SORCS3: variants seen among roughly 807,000 people sequenced by gnomAD.
SORCS3 encodes sortilin related VPS10 domain containing receptor 3.
A neutral mutation model predicts 146.3 loss-of-function variants in SORCS3; 57 were observed. That is an observed-to-expected ratio of 0.39 (90% CI 0.31 to 0.49). The LOEUF is 0.49. SORCS3 is among the 20% of genes least tolerant of loss of function. SORCS3 has a pLI of 0.92. For missense variants in SORCS3, 1,341 were observed against 1,575.5 expected (o/e 0.85, Z 2.52); for synonymous variants, 653 against 618.5 (o/e 1.06, Z -0.83).
At chr10:104,852,393 G>A (rs541164097) in intron 2 of SORCS3, among the ~76,000 whole-genome samples, 29 of 152,272 alleles carry the variant, frequency 1.9e-4, no homozygotes, top group South Asian at 1.7e-3. Context: ...ATCTATGGCC[G>A]AGGGACTATT....
intron 16 of SORCS3, among the ~76,000 whole-genome samples, chr10:105,202,372 C>A (rs2056579315): frequency 6.6e-6 from 1 of 152,036 alleles, no homozygotes; most frequent in African/African-American, 2.4e-5. Flanking sequence ...TTTATTAATC[C>A]TGGCTCATTC....
chr10:105,112,748 C>T (rs554099232), intron 7 of SORCS3, among the ~76,000 whole-genome samples: 5 of 152,206 alleles, frequency 3.3e-5, no homozygotes, highest in African/African-American at 1.2e-4. Flanking sequence ...ACTGGTTTGG[C>T]TTTTAAAGGG....
chr10:104,705,000 C>T (rs1436891510), intron 1 of SORCS3, among the ~76,000 whole-genome samples: 2 of 152,160 alleles, frequency 1.3e-5, no homozygotes, highest in African/African-American at 4.8e-5. Flanking sequence ...ACCTTAACCC[C>T]CTCTTCCCTC....
At chr10:104,694,075 G>A (rs2016145746) in intron 1 of SORCS3, among the ~76,000 whole-genome samples, 1 of 151,396 alleles carries the variant, frequency 6.6e-6, no homozygotes, top group South Asian at 2.1e-4. Context: ...GATTTGCGTG[G>A]TTGTTAGCAA....
intron 16 of SORCS3, among the ~76,000 whole-genome samples, chr10:105,206,899 A>G (rs1215312559): frequency 6.6e-6 from 1 of 152,096 alleles, no homozygotes; most frequent in Non-Finnish European, 1.5e-5. Flanking sequence ...GTAGATCACT[A>G]GTACTGGAAT....
At chr10:105,065,601 C>T (rs905272754) in intron 5 of SORCS3, among the ~76,000 whole-genome samples, 19 of 152,056 alleles carry the variant, frequency 1.2e-4, no homozygotes, top group East Asian at 3.9e-4. Flanking sequence ...ATGAGTGAGA[C>T]GATGTGATTT....
intron 1 of SORCS3, among the ~76,000 whole-genome samples, chr10:104,729,822 A>G (rs1265484237): frequency 6.6e-6 from 1 of 152,188 alleles, no homozygotes. Flanking sequence ...TGGAGATAAA[A>G]CAAAAGGCAG....
rs555544030 is a variant in SORCS3, at chr10:104,932,526, G to A, written c.795+16594G>A. ...CTTTGATCTTGCCAATCCTTACTCAGAAACTTTCAGCAGCTTCCAGGTGTC... is the reference window on the plus strand; with the variant it reads ...CTTTGATCTTGCCAATCCTTACTCAAAAACTTTCAGCAGCTTCCAGGTGTC... On this transcript the variant is annotated intron_variant, in intron 3 of 26. Coordinates refer to ENST00000369701, the MANE Select transcript of SORCS3 (RefSeq NM_014978.3). Among the ~76,000 whole-genome samples, 31 of 152,276 alleles carry A rather than the reference G, an allele frequency of 2.0e-4. No individual in the cohort carries two copies. The South Asian group carries it at 6.0e-3, about 30-fold the overall frequency.
chr10:104,884,423 A>G (rs776405948), intron 2 of SORCS3, among the ~76,000 whole-genome samples: 8 of 152,206 alleles, frequency 5.3e-5, no homozygotes, highest in Non-Finnish European at 1.0e-4. Context: ...ATGTTATGTC[A>G]GAGACTTTTA....
intron 4 of SORCS3, among the ~76,000 whole-genome samples, chr10:105,026,643 G>A (rs981813557): frequency 1.3e-5 from 2 of 152,212 alleles, no homozygotes; most frequent in Non-Finnish European, 2.9e-5. Context: ...ATACGACACA[G>A]CTGTAAAAAA....
At chr10:105,222,332 A>G (rs1279947830) in intron 19 of SORCS3, among the ~76,000 whole-genome samples, 2 of 152,148 alleles carry the variant, frequency 1.3e-5, no homozygotes, top group Non-Finnish European at 2.9e-5. Context: ...TGCTGGGATT[A>G]CAGGTGTGAG....
chr10:104,903,686 G>A (rs1244058867), intron 2 of SORCS3, among the ~76,000 whole-genome samples: 1 of 152,176 alleles, frequency 6.6e-6, no homozygotes, highest in East Asian at 1.9e-4. Flanking sequence ...TCTCTTCAGA[G>A]GATGGATAGA....
Position 104,816,948 on chromosome 10 carries a change from G to A in SORCS3, c.628-25844G>A, listed in dbSNP as rs368348127. ...CTGCTAGAGTTTGGAGGGAGGCCAA[G>A]CCTTCAGCCCGGGCACCCAAGAATT... On this transcript the variant is annotated intron_variant, in intron 1 of 26. Coordinates refer to ENST00000369701, the MANE Select transcript of SORCS3 (RefSeq NM_014978.3). 5.1e-4 allele frequency among the ~76,000 whole-genome samples: 77 copies of A among 152,318 alleles called. 3 individuals carry two copies. In the South Asian group the frequency reaches 0.016, roughly 31 times the overall value.
At chr10:105,004,000 C>CTTTTTTTTTTTTTT (rs1226455197) in intron 4 of SORCS3, among the ~76,000 whole-genome samples, 5 of 140,228 alleles carry the variant, frequency 3.6e-5, no homozygotes, top group Non-Finnish European at 4.6e-5. Flanking sequence ...TCTTCTCTCT[C>CTTTTTTTTTTTTTT]TTTTTTTTTT....
rs577299242 is a variant in SORCS3, at chr10:104,669,730, T to C, written c.627+27776T>C. 1.6e-4 allele frequency among the ~76,000 whole-genome samples: 25 copies of C among 152,316 alleles called. No individual in the cohort carries two copies. In the South Asian group the frequency reaches 5.2e-3, roughly 32 times the overall value. On this transcript the variant is annotated intron_variant, in intron 1 of 26. Transcript: ENST00000369701. ...ATGGTATACCAGTATCTCTTTGAGA[T>C]CCTGCTTTCACTTCTTTTGGGGAAA...
intron 14 of SORCS3, among the ~76,000 whole-genome samples, chr10:105,179,218 T>C (rs781627289): frequency 1.3e-5 from 2 of 152,228 alleles, no homozygotes; most frequent in African/African-American, 4.8e-5. Flanking sequence ...TTGAACAACA[T>C]CATGTGTATG....
At chr10:104,693,307 T>C (rs530332994) in intron 1 of SORCS3, among the ~76,000 whole-genome samples, 1 of 151,962 alleles carries the variant, frequency 6.6e-6, no homozygotes, top group African/African-American at 2.4e-5. Context: ...TACACACAGG[T>C]GATGAGGGTG....
At chr10:105,029,114 T>A (rs78883206) in intron 4 of SORCS3, among the ~76,000 whole-genome samples, 1 of 152,312 alleles carries the variant, frequency 6.6e-6, no homozygotes, top group African/African-American at 2.4e-5. Context: ...TAGAATCAGC[T>A]GGGGAACTTT....
chr10:104,650,457 G>T (rs924013150), intron 1 of SORCS3, among the ~76,000 whole-genome samples: 1 of 152,110 alleles, frequency 6.6e-6, no homozygotes. Context: ...ATCCTGGGGG[G>T]GGCTGATCAT....
Sources: gnomAD v4.1 joint callset for allele counts (sites outside exome capture counted in the v4.1 genomes callset) on GRCh38, gnomAD v4.1.1 for gene constraint, MANE v1.5 for transcripts, NCBI Gene and HGNC (gene_info 2026-07-23, HGNC 2026-07-21) for gene names.